The following MEGF10 variants were observed in gnomAD, a reference collection of about 807,000 sequenced individuals.
The protein encoded by MEGF10 is multiple EGF like domains 10.
A neutral mutation model predicts 147.5 loss-of-function variants in MEGF10; 86 were observed. The observed-to-expected ratio is 0.58, with a 90% CI of 0.49 to 0.70. The LOEUF is 0.70. MEGF10 is among the 30% of genes least tolerant of loss of function. The probability of loss-of-function intolerance (pLI) is 0.00; values close to 1 mark genes in which losing one functional copy is unlikely to be tolerated. For missense variants in MEGF10, 1,329 were observed against 1,487.3 expected, an observed-to-expected ratio of 0.89 and a Z score of 1.75; for synonymous variants, 478 against 525.5, an observed-to-expected ratio of 0.91 and a Z score of 1.24.
rs1253227305 is a variant in MEGF10 at position 127,457,582 on chromosome 5, T to C, written c.*264T>C. On this transcript the variant is annotated 3_prime_UTR_variant, in exon 25 of 25. Transcript: ENST00000503335. Reference sequence around the variant, plus strand: ...GTGAAGCATGACTTATTGTAAGATGTTGGCTGAAAGCATGAACTTGCAGAA... The same window carrying C: ...GTGAAGCATGACTTATTGTAAGATGCTGGCTGAAAGCATGAACTTGCAGAA... The C allele has an allele frequency of 9.6e-6, 4 of 415,660 alleles. No individual in the cohort carries two copies. The highest frequency in any genetic ancestry group is 1.7e-5 in the Non-Finnish European group (4 of 231,868). The allele number at this position is 415,660 out of a possible 1,614,324, so 25.7% of individuals were successfully genotyped here.
intron 1 of MEGF10, among the ~76,000 whole-genome samples, chr5:127,295,926 C>T (rs2126703276): frequency 6.6e-6 from 1 of 152,260 alleles, no homozygotes. Context: ...TTAGCATAAG[C>T]CTGTATCATT....
intron 22 of MEGF10, among the ~76,000 whole-genome samples, chr5:127,449,602 C>A (rs568674356): frequency 6.6e-6 from 1 of 152,312 alleles, no homozygotes; most frequent in Non-Finnish European, 1.5e-5. Flanking sequence ...GTTACTTGCA[C>A]AGGACCTCAT....
chr5:127,412,550 C>T (rs1241799825), intron 9 of MEGF10, among the ~76,000 whole-genome samples: 1 of 152,104 alleles, frequency 6.6e-6, no homozygotes, highest in African/African-American at 2.4e-5. Flanking sequence ...AATGAGATAA[C>T]AAATACAGTG....
intron 2 of MEGF10, among the ~76,000 whole-genome samples, chr5:127,334,037 A>G (rs1761373344): frequency 6.6e-6 from 1 of 152,202 alleles, no homozygotes; most frequent in Non-Finnish European, 1.5e-5. Flanking sequence ...AAGGCTAGAT[A>G]ATGATTTCTA....
intron 2 of MEGF10, 133 bp downstream of exon 2, chr5:127,331,557 C>T (rs1761262750): frequency 1.7e-6 from 1 of 580,402 alleles, no homozygotes; most frequent in Non-Finnish European, 3.0e-6. Context: ...AATCATTAGT[C>T]ATAGCTAGCA....
Position 127,445,669 on chromosome 5 carries a change from G to C in MEGF10, c.2704G>C (p.Val902Leu). The C allele has an allele frequency of 2.5e-6, 4 of 1,613,780 alleles. No homozygotes were observed. Among genetic ancestry groups the C allele is most frequent in the Non-Finnish European group, 3.4e-6 (4 of 1,179,706 alleles). ...TACCTACACCCCTGCTATGAGGGTC[G>C]TCAATGCAGATTATACCATTTCAGG... The part of the protein sequence containing the change: ...AVTYTPAMRV[V>L]NADYTISGTL... Residue 902 changes from valine (V) to leucine (L), a missense_variant, in exon 20 of 25, where the codon GTC becomes CTC. Val to Leu is a conservative substitution (Grantham distance 32). This residue lies in a region of MEGF10 where 343 missense variants were observed against 377.9 expected (regional missense o/e 0.91). Transcript: ENST00000503335.
chr5:127,250,181 A>G, the MEGF10 span, among the ~76,000 whole-genome samples: 1 of 152,082 alleles, frequency 6.6e-6, no homozygotes. Flanking sequence ...ATAGACTTCA[A>G]GATGAGGATT....
At chr5:127,342,612 A>T (rs996514453) in intron 4 of MEGF10, among the ~76,000 whole-genome samples, 1 of 152,114 alleles carries the variant, frequency 6.6e-6, no homozygotes, top group Admixed American at 6.6e-5. Context: ...GCATAATTCA[A>T]CACCTCCGTT....
chr5:127,419,159 G>A lies in MEGF10; in HGVS notation c.1345G>A (p.Gly449Arg). 1 of 1,614,108 alleles carries A rather than the reference G, an allele frequency of 6.2e-7. No homozygotes were observed. The highest frequency in any genetic ancestry group is 1.1e-5 in the South Asian group (1 of 91,076). ...CSTPCPLGTY[G>R]INCSSRCGCK... ...TACCCCATGCCCTCTGGGAACCTAT[G>A]GGATAAACTGTTCCTCTCGCTGTGG... The change falls in exon 11 of 25, where the codon GGG becomes AGG. Residue 449 changes from glycine (G) to arginine (R), a missense_variant. By Grantham distance (125) the Gly-to-Arg change is moderately radical. Transcript: ENST00000503335.
chr5:127,403,489 T>C (rs1764206835), intron 8 of MEGF10, among the ~76,000 whole-genome samples: 1 of 152,212 alleles, frequency 6.6e-6, no homozygotes, highest in Non-Finnish European at 1.5e-5. Flanking sequence ...ATGAAGTTAC[T>C]ATTGACCATA....
intron 5 of MEGF10, among the ~76,000 whole-genome samples, chr5:127,371,229 G>GTGTGTGAGTGTGTC (rs1440531708): frequency 6.7e-6 from 1 of 149,236 alleles, no homozygotes; most frequent in African/African-American, 2.6e-5. Context: ...GTGTGTGTGT[G>GTGTGTGAGTGTGTC]TGTGTGTGTG....
intron 4 of MEGF10, among the ~76,000 whole-genome samples, chr5:127,350,630 A>G (rs1021769698): frequency 1.3e-5 from 2 of 152,110 alleles, no homozygotes; most frequent in Non-Finnish European, 2.9e-5. Context: ...TGTACTAAAC[A>G]GAAGGAATGA....
At chr5:127,369,477 A>G (rs1762771874) in intron 4 of MEGF10, among the ~76,000 whole-genome samples, 2 of 152,234 alleles carry the variant, frequency 1.3e-5, no homozygotes, top group African/African-American at 4.8e-5. Context: ...TGAATGTATT[A>G]TGTAAAAAAA....
At chr5:127,287,296 G>A (rs1390982352), upstream of MEGF10, among the ~76,000 whole-genome samples, 1 of 151,766 alleles carries the variant, frequency 6.6e-6, no homozygotes, top group African/African-American at 2.4e-5. Flanking sequence ...AGTGAAATAA[G>A]GCAAGACAAA....
At chr5:127,314,958 G>C (rs1425166552) in intron 1 of MEGF10, among the ~76,000 whole-genome samples, 2 of 152,102 alleles carry the variant, frequency 1.3e-5, no homozygotes, top group Non-Finnish European at 2.9e-5. Flanking sequence ...TTTGGCTGCT[G>C]TTGTTTCCAA....
rs769476956 is a variant in MEGF10, at chr5:127,369,912, C to T, written c.322C>T (p.His108Tyr). The T allele has an allele frequency of 4.4e-6, 7 of 1,603,940 alleles. No individual in the cohort carries two copies. Among genetic ancestry groups the T allele is most frequent in the South Asian group, 1.1e-5 (1 of 89,754 alleles). The change falls in exon 5 of 25, where the codon CAC becomes TAC. Residue 108 changes from histidine to tyrosine, a missense_variant and splice_region_variant. Coordinates refer to ENST00000503335, the MANE Select transcript of MEGF10 (RefSeq NM_001256545.2). ...TTGATTGATTTTCTCTCTGACAGCC[C>T]ACTGTGCTGATAAATGTGTCCATGG... ...FYESGEMCVP[H>Y]CADKCVHGRC...
At chr5:127,450,778 A>T (rs1332537505) in intron 22 of MEGF10, among the ~76,000 whole-genome samples, 1 of 151,830 alleles carries the variant, frequency 6.6e-6, no homozygotes, top group African/African-American at 2.4e-5. Context: ...TTTGTTTTTG[A>T]GACAGAGTCT....
the MEGF10 span, among the ~76,000 whole-genome samples, chr5:127,263,867 GA>G: frequency 6.6e-6 from 1 of 152,088 alleles, no homozygotes; most frequent in Non-Finnish European, 1.5e-5. Context: ...TTACATTTGA[GA>G]AGGCAAAAGG....
intron 1 of MEGF10, among the ~76,000 whole-genome samples, chr5:127,322,074 CA>C (rs5871248): frequency 0.021 from 2,763 of 131,756 alleles, 68 homozygotes; most frequent in East Asian, 0.13. Flanking sequence ...AGCGCTTTTG[CA>C]AAAAAAAAAA....
Sources: allele counts gnomAD v4.1 joint callset (sites outside exome capture counted in the v4.1 genomes callset), GRCh38; gene constraint gnomAD v4.1.1; regional missense constraint gnomAD v4.1.1; transcripts MANE v1.5; gene names NCBI Gene and HGNC (gene_info 2026-07-23, HGNC 2026-07-21).